The following GRIK2 variants were observed in gnomAD, a reference collection of about 807,000 sequenced individuals.
GRIK2 encodes glutamate ionotropic receptor kainate type subunit 2, also known as glutamate receptor ionotropic, kainate 2.
GRIK2 carries 32 observed loss-of-function variants against 100.3 expected under a neutral mutation model. The ratio of observed to expected loss-of-function variants is 0.32; its 90% CI spans 0.24 to 0.43. The LOEUF is 0.43. Among genes scored for constraint, GRIK2 ranks in the 20% least tolerant of loss-of-function variants. The pLI is 1.00. For synonymous variants in GRIK2, 417 were observed against 389.4 expected (o/e 1.07, Z -0.83); for missense variants, 843 against 1,114.9 (o/e 0.76, Z 3.47).
intron 2 of GRIK2, among the ~76,000 whole-genome samples, chr6:101,558,360 G>A (rs1776843088): frequency 6.6e-6 from 1 of 152,192 alleles, no homozygotes; most frequent in Admixed American, 6.5e-5. Flanking sequence ...CATACAGGGA[G>A]CTGAGTGCTC....
intron 6 of GRIK2, among the ~76,000 whole-genome samples, chr6:101,682,809 C>G (rs1366142150): frequency 4.6e-5 from 7 of 151,990 alleles, no homozygotes; most frequent in African/African-American, 1.7e-4. Context: ...TTTCAGATAT[C>G]AATTCAAAAT....
At chr6:101,464,497 CTTTTTTTTTTTTT>C (rs71028069) in intron 2 of GRIK2, among the ~76,000 whole-genome samples, 27 of 62,032 alleles carry the variant, frequency 4.4e-4, no homozygotes, top group East Asian at 1.1e-3. Flanking sequence ...CTTTTTCTTT[CTTTTTTTTTTTTT>C]TTTTTTTTTT....
At chr6:101,826,474 G>A (rs1782339806) in intron 10 of GRIK2, among the ~76,000 whole-genome samples, 2 of 152,122 alleles carry the variant, frequency 1.3e-5, no homozygotes, top group African/African-American at 4.8e-5. Flanking sequence ...TGATACTCAA[G>A]TATGTATGGA....
At chr6:102,029,916 T>A (rs1261673049) in intron 14 of GRIK2, among the ~76,000 whole-genome samples, 2 of 151,270 alleles carry the variant, frequency 1.3e-5, no homozygotes, top group Non-Finnish European at 3.0e-5. Context: ...TGGTATCTTA[T>A]CTGTATCTAC....
At chr6:101,820,447 TCTC>T (rs796942165) in intron 10 of GRIK2, among the ~76,000 whole-genome samples, 4 of 150,950 alleles carry the variant, frequency 2.6e-5, no homozygotes, top group African/African-American at 4.9e-5. Flanking sequence ...TTCTTCTTCT[TCTC>T]CTCCTCCTTC....
At chr6:101,735,283 C>A (rs1476952933) in intron 7 of GRIK2, among the ~76,000 whole-genome samples, 2 of 152,104 alleles carry the variant, frequency 1.3e-5, no homozygotes, top group Non-Finnish European at 1.5e-5. Flanking sequence ...GGAAGGGAAG[C>A]CCTGGAGGTA....
At chr6:102,034,133 G>A (rs927787391) in intron 14 of GRIK2, among the ~76,000 whole-genome samples, 1 of 151,218 alleles carries the variant, frequency 6.6e-6, no homozygotes, top group African/African-American at 2.4e-5. Flanking sequence ...GGGGAGCAAA[G>A]GTTTGCATTT....
At chr6:101,538,482 TCTTGA>T (rs2128287432) in intron 2 of GRIK2, among the ~76,000 whole-genome samples, 1 of 151,874 alleles carries the variant, frequency 6.6e-6, no homozygotes, top group South Asian at 2.1e-4. Context: ...GACATTATAT[TCTTGA>T]CTTTCTTATA....
chr6:101,674,467 A>G (rs1387608162), intron 4 of GRIK2, among the ~76,000 whole-genome samples: 2 of 152,344 alleles, frequency 1.3e-5, no homozygotes, highest in African/African-American at 4.8e-5. Context: ...TCCCATGTTC[A>G]AAGAAATATA....
chr6:101,469,656 T>C (rs1582519883), intron 2 of GRIK2, among the ~76,000 whole-genome samples: 1 of 152,296 alleles, frequency 6.6e-6, no homozygotes, highest in East Asian at 1.9e-4. Flanking sequence ...CCTTGCTGTA[T>C]TGAGTATTCC....
At chr6:101,693,771 G>A (rs1040001273) in intron 7 of GRIK2, among the ~76,000 whole-genome samples, 6 of 151,852 alleles carry the variant, frequency 4.0e-5, no homozygotes, top group African/African-American at 1.5e-4. Context: ...AGGATCATAT[G>A]CATATATATG....
chr6:101,782,947 C>G (rs1293552115), intron 7 of GRIK2, among the ~76,000 whole-genome samples: 2 of 151,136 alleles, frequency 1.3e-5, no homozygotes, highest in Non-Finnish European at 2.9e-5. Flanking sequence ...AGCTCCGCCT[C>G]CCGGGTTCAC....
chr6:101,912,924 T>C (rs1788848956), intron 12 of GRIK2, among the ~76,000 whole-genome samples: 1 of 151,188 alleles, frequency 6.6e-6, no homozygotes, highest in African/African-American at 2.4e-5. Context: ...TTTATCTTTA[T>C]AGGTTAATAA....
At chr6:101,462,201 C>T (rs1480291941) in intron 2 of GRIK2, among the ~76,000 whole-genome samples, 2 of 152,156 alleles carry the variant, frequency 1.3e-5, no homozygotes, top group African/African-American at 4.8e-5. Context: ...TATGGTAGAA[C>T]TATACATTGC....
At chr6:101,927,773 A>G (rs1429527185) in intron 13 of GRIK2, 1 of 152,066 alleles carries the variant, frequency 6.6e-6, no homozygotes, top group Non-Finnish European at 1.5e-5. Context: ...TTCTTATTCT[A>G]ATTTTTTTAA....
intron 2 of GRIK2, among the ~76,000 whole-genome samples, chr6:101,560,591 T>G (rs192977195): frequency 6.6e-6 from 1 of 152,186 alleles, no homozygotes; most frequent in African/African-American, 2.4e-5. Context: ...AAATTGATAA[T>G]TAAACAACAA....
rs1774896093 is a variant in GRIK2 at position 101,393,821 on chromosome 6, C to T, written c.-310C>T. On this transcript the variant is annotated 5_prime_UTR_variant, in exon 1 of 17. Coordinates refer to ENST00000369134, the MANE Select transcript of GRIK2 (RefSeq NM_021956.5). The stretch of plus-strand genomic sequence containing the variant: ...ACCACCCCACCCCCTCCCCGCCCAC[C>T]TCACCCCTAGCTCCAGGTAAGGACT... Among the ~76,000 whole-genome samples the T allele has an allele frequency of 6.6e-6, 1 of 152,164 alleles. No homozygotes were observed. Among genetic ancestry groups the T allele is most frequent in the East Asian group, 2.0e-4 (1 of 5,124 alleles).
chr6:101,861,130 T>A (rs1254628063), intron 11 of GRIK2, among the ~76,000 whole-genome samples: 1 of 152,124 alleles, frequency 6.6e-6, no homozygotes, highest in Admixed American at 6.5e-5. Flanking sequence ...TTCTGAAACA[T>A]AAGATAGAGA....
intron 2 of GRIK2, among the ~76,000 whole-genome samples, chr6:101,428,482 C>T (rs531751954): frequency 1.6e-3 from 243 of 152,198 alleles, no homozygotes; most frequent in Non-Finnish European, 2.7e-3. Flanking sequence ...TTTTAAAAAT[C>T]TTAGTAGGAT....
Sources: allele counts gnomAD v4.1 joint callset (sites outside exome capture counted in the v4.1 genomes callset), GRCh38; gene constraint gnomAD v4.1.1; transcripts MANE v1.5; gene names NCBI Gene and HGNC (gene_info 2026-07-23, HGNC 2026-07-21).